Variants in NEK11 observed in about 807,000 individuals in gnomAD.
NEK11 encodes serine/threonine-protein kinase Nek11.
In NEK11, 72 loss-of-function variants were observed where a neutral mutation model predicts 80.7. The ratio of observed to expected loss-of-function variants is 0.89; its 90% CI spans 0.74 to 1.08. The LOEUF is 1.08. NEK11 is among the 50% of genes least tolerant of loss of function. The probability of loss-of-function intolerance (pLI) is 0.00; values close to 1 mark genes in which losing one functional copy is unlikely to be tolerated. For synonymous variants in NEK11, 251 were observed against 260.7 expected (o/e 0.96, Z 0.36); for missense variants, 764 against 763.6 (o/e 1.00, Z -0.01).
At chr3:131,090,401 T>C (rs1207721351) in intron 4 of NEK11, among the ~76,000 whole-genome samples, 1 of 152,230 alleles carries the variant, frequency 6.6e-6, no homozygotes, top group East Asian at 1.9e-4. Context: ...TTTTGATAGC[T>C]GTATAGACTT....
intron 14 of NEK11, among the ~76,000 whole-genome samples, chr3:131,201,671 AT>A (rs1303273332): frequency 6.6e-6 from 1 of 151,744 alleles, no homozygotes; most frequent in Non-Finnish European, 1.5e-5. Context: ...ATGAGTGGAG[AT>A]TTTTCTCTGA....
In NEK11 at chr3:131,232,644, A is replaced by G. The variant is rs918175160; in HGVS notation, c.1560+3956A>G. On this transcript the variant is annotated intron_variant, in intron 15 of 17. Transcript: ENST00000383366. ...GGTTTTGAAATTCTTAGGAAAAACA[A>G]TTGATTTTCTTCTTGGAACATTGTC... Among the ~76,000 whole-genome samples the G allele has an allele frequency of 3.3e-5, 5 of 152,186 alleles. No individual in the cohort carries two copies. In the South Asian group the frequency reaches 6.2e-4, roughly 19 times the overall value.
At chr3:131,158,221 G>A (rs1299185298) in intron 10 of NEK11, among the ~76,000 whole-genome samples, 1 of 152,100 alleles carries the variant, frequency 6.6e-6, no homozygotes, top group Non-Finnish European at 1.5e-5. Flanking sequence ...TGCCTGACTG[G>A]AGGAGAGATC....
rs201446415 is a variant in NEK11, at chr3:131,162,421, C to T, written c.976C>T (p.His326Tyr). 1 of 1,613,726 alleles carries T rather than the reference C, an allele frequency of 6.2e-7. No homozygotes were observed. Among genetic ancestry groups the T allele is most frequent in the East Asian group, 2.2e-5 (1 of 44,874 alleles). ...TGTTATTTATAGGCAAAAAAGGATC[C>T]ACCTGCAGACTCTGAGGGCACTGTC... ...HIINAMQKRI[H>Y]LQTLRALSEV... Residue 326 changes from histidine (H) to tyrosine (Y), a missense_variant, in exon 11 of 18, where the codon CAC (histidine) becomes TAC (tyrosine). Transcript: ENST00000383366.
At chr3:131,164,820 G>A (rs920699990) in intron 11 of NEK11, among the ~76,000 whole-genome samples, 24 of 152,146 alleles carry the variant, frequency 1.6e-4, no homozygotes, top group South Asian at 6.2e-4. Context: ...TAATGTACCC[G>A]TTTTAGAGAC....
intron 16 of NEK11, among the ~76,000 whole-genome samples, chr3:131,245,876 A>G (rs1029903548): frequency 4.0e-5 from 6 of 151,426 alleles, no homozygotes; most frequent in African/African-American, 1.2e-4. Flanking sequence ...TAAATTCTGG[A>G]TATTAGTCCC....
At chr3:131,166,814 G>C (rs1400751651) in intron 12 of NEK11, among the ~76,000 whole-genome samples, 1 of 152,116 alleles carries the variant, frequency 6.6e-6, no homozygotes, top group Non-Finnish European at 1.5e-5. Context: ...GAAAGGTCTT[G>C]ATGCCACCAC....
chr3:131,328,287 A>G (rs2097009305), intron 17 of NEK11: 1 of 150,094 alleles, frequency 6.7e-6, no homozygotes, highest in South Asian at 2.1e-4. Flanking sequence ...CCCTGTTTCT[A>G]AAAATAATAT....
At chr3:131,199,207 A>G (rs1333080644) in intron 14 of NEK11, among the ~76,000 whole-genome samples, 3 of 152,208 alleles carry the variant, frequency 2.0e-5, no homozygotes, top group Non-Finnish European at 2.9e-5. Context: ...TACAATATAT[A>G]CAGGTTATAA....
intron 15 of NEK11, among the ~76,000 whole-genome samples, chr3:131,232,193 A>G (rs929221831): frequency 6.6e-6 from 1 of 152,216 alleles, no homozygotes; most frequent in African/African-American, 2.4e-5. Flanking sequence ...TGGAGCCAGC[A>G]TCTTAGATCT....
At chr3:131,255,084 GAAAGAAAGA>G (rs1561221440) in intron 16 of NEK11, among the ~76,000 whole-genome samples, 2 of 55,572 alleles carry the variant, frequency 3.6e-5, no homozygotes, top group Non-Finnish European at 7.8e-5. Flanking sequence ...AAGAAGGAAA[GAAAGAAAGA>G]AAGAAAGAAA....
intron 10 of NEK11, 36 bp downstream of exon 10, chr3:131,155,157 G>A (rs1364295763): frequency 1.5e-6 from 2 of 1,300,744 alleles, no homozygotes; most frequent in African/African-American, 1.5e-5. Flanking sequence ...AGCCCATCGA[G>A]TGTAAATGTT....
intron 16 of NEK11, among the ~76,000 whole-genome samples, chr3:131,257,208 C>A (rs2095832667): frequency 6.6e-6 from 1 of 150,564 alleles, no homozygotes; most frequent in East Asian, 2.0e-4. Context: ...GTTGCTCAGG[C>A]TGGTCTTGAA....
chr3:131,213,310 C>G (rs1236050569), intron 14 of NEK11, among the ~76,000 whole-genome samples: 1 of 152,164 alleles, frequency 6.6e-6, no homozygotes, highest in Non-Finnish European at 1.5e-5. Context: ...CTGACTGCCT[C>G]CAGATGGCCG....
chr3:131,223,858 C>T (rs897659191), intron 14 of NEK11, among the ~76,000 whole-genome samples: 3 of 151,830 alleles, frequency 2.0e-5, no homozygotes, highest in Non-Finnish European at 4.4e-5. Flanking sequence ...CACAGAGAGG[C>T]GAGATTCCAT....
At chr3:131,034,248 T>G (rs1453112123) in intron 3 of NEK11, among the ~76,000 whole-genome samples, 3 of 152,158 alleles carry the variant, frequency 2.0e-5, no homozygotes, top group Non-Finnish European at 2.9e-5. Context: ...ACAGCTACAG[T>G]GAATTTCAAC....
At chr3:131,222,028 A>T (rs1388847853) in intron 14 of NEK11, among the ~76,000 whole-genome samples, 5 of 152,060 alleles carry the variant, frequency 3.3e-5, no homozygotes, top group Admixed American at 6.6e-5. Flanking sequence ...CAGCTCCCTT[A>T]AGACGGTTTA....
chr3:131,197,342 G>A (rs374573102), intron 14 of NEK11, among the ~76,000 whole-genome samples: 54 of 152,230 alleles, frequency 3.5e-4, no homozygotes, highest in African/African-American at 7.0e-4. Flanking sequence ...CATTAACATC[G>A]GAGCATGGGC....
chr3:131,058,423 A>G (rs1190394165), intron 3 of NEK11, among the ~76,000 whole-genome samples: 2 of 152,128 alleles, frequency 1.3e-5, no homozygotes, highest in African/African-American at 4.8e-5. Flanking sequence ...CAATTCTGTG[A>G]AGAAAGTCAT....
Sources: allele counts gnomAD v4.1 joint callset (sites outside exome capture counted in the v4.1 genomes callset), GRCh38; gene constraint gnomAD v4.1.1; transcripts MANE v1.5; gene names NCBI Gene and HGNC (gene_info 2026-07-23, HGNC 2026-07-21).